The following MTMR2 variants were observed in gnomAD, a reference collection of about 807,000 sequenced individuals.
MTMR2 encodes the protein phosphatidylinositol-3,5-bisphosphate 3-phosphatase MTMR2.
Under a neutral mutation model 86.9 loss-of-function variants are expected in MTMR2, and 55 were observed. The ratio of observed to expected loss-of-function variants is 0.63; its 90% CI spans 0.51 to 0.79. MTMR2 has a LOEUF of 0.79. Among genes scored for constraint, MTMR2 ranks in the 30% least tolerant of loss-of-function variants. MTMR2 has a pLI of 0.00. For synonymous variants in MTMR2, 241 were observed against 266.8 expected (o/e 0.90, Z 0.94); for missense variants, 659 against 772.3 (o/e 0.85, Z 1.74).
At chr11:95,878,192 A>G (rs1485219472) in intron 2 of MTMR2, among the ~76,000 whole-genome samples, 2 of 146,790 alleles carry the variant, frequency 1.4e-5, no homozygotes, top group African/African-American at 5.1e-5. Flanking sequence ...GCCACTCTGA[A>G]AAGACCGCAC....
At position 95,887,124 on chromosome 11, in the gene MTMR2, T is replaced by C. The variant is rs538649127; in HGVS notation, c.186+1032A>G. ...AGAAGATTTTACAGATGTTGTCTTC[T>C]TGTTGAATTCTGTTTTGACAATGAA... On this transcript the variant is annotated intron_variant, in intron 2 of 14. Coordinates refer to ENST00000346299, the MANE Select transcript of MTMR2 (RefSeq NM_016156.6). 5.8e-4 allele frequency among the ~76,000 whole-genome samples: 88 copies of C among 152,328 alleles called. 1 individual carries two copies. Among genetic ancestry groups the C allele is most frequent in the Middle Eastern group, 6.8e-3 (2 of 294 alleles).
rs1174482625 is a variant in MTMR2, at chr11:95,835,295, C to G, written c.1927G>C (p.Val643Leu). 5 of 1,612,766 alleles carry G rather than the reference C, an allele frequency of 3.1e-6. No individual in the cohort carries two copies. The Admixed American group carries it at 8.4e-5, about 27-fold the overall frequency. The change falls in exon 15 of 15, where the codon GTA becomes CTA. Residue 643 changes from valine (V) to leucine (L), a missense_variant. Physicochemically the swap from Val to Leu is conservative, Grantham distance 32. This residue lies in a region of MTMR2 where 193 missense variants were observed against 191.6 expected (regional missense o/e 1.01). Transcript: ENST00000346299. ...GCCCCTGATCTTACAGTCCTTTATA[C>G]AACAGTTTGGACAGGAGTGACACAC... The part of the protein sequence containing the change: ...AQCVTPVQTV[V>L]
intron 9 of MTMR2, 106 bp downstream of exon 9, chr11:95,849,568 A>G (rs1440110334): frequency 1.3e-5 from 13 of 1,012,380 alleles, no homozygotes; most frequent in East Asian, 9.5e-5. Context: ...ACAAGAACCT[A>G]TATGTTTACC....
intron 2 of MTMR2, among the ~76,000 whole-genome samples, chr11:95,871,425 G>A (rs576470244): frequency 2.0e-5 from 3 of 152,148 alleles, no homozygotes; most frequent in South Asian, 2.1e-4. Context: ...TTTAATGATC[G>A]CCATTCTAAC....
At chr11:95,865,799 T>C (rs1864593684) in intron 2 of MTMR2, 123 bp from the exon 3 acceptor site, 2 of 798,394 alleles carry the variant, frequency 2.5e-6, no homozygotes, top group Non-Finnish European at 4.2e-6. Flanking sequence ...CTATTTTAAA[T>C]CAAATTTGTT....
chr11:95,875,494 C>A (rs971808671), intron 2 of MTMR2, among the ~76,000 whole-genome samples: 1 of 152,016 alleles, frequency 6.6e-6, no homozygotes, highest in Non-Finnish European at 1.5e-5. Flanking sequence ...GTTAGCCATT[C>A]GTCTAATTTT....
At chr11:95,868,394 G>C (rs556504585) in intron 2 of MTMR2, among the ~76,000 whole-genome samples, 1 of 151,066 alleles carries the variant, frequency 6.6e-6, no homozygotes, top group Non-Finnish European at 1.5e-5. Context: ...GAATGAGAAT[G>C]ACTGCAAGGA....
chr11:95,837,223 G>A (rs1311339642), intron 13 of MTMR2, among the ~76,000 whole-genome samples: 1 of 151,934 alleles, frequency 6.6e-6, no homozygotes, highest in Non-Finnish European at 1.5e-5. Flanking sequence ...ATACTACATA[G>A]CAGTTCTTGT....
intron 2 of MTMR2, among the ~76,000 whole-genome samples, chr11:95,873,278 T>A (rs1864966006): frequency 6.6e-6 from 1 of 152,240 alleles, no homozygotes; most frequent in Admixed American, 6.5e-5. Flanking sequence ...ATTGCCTCAA[T>A]TTCAGAGCCT....
At chr11:95,919,482 G>C (rs1866832538) in intron 1 of MTMR2, among the ~76,000 whole-genome samples, 1 of 151,976 alleles carries the variant, frequency 6.6e-6, no homozygotes, top group South Asian at 2.1e-4. Flanking sequence ...AACAAGTATG[G>C]TACCCAGAAT....
At chr11:95,845,193 A>C in intron 10 of MTMR2, 34 bp from the exon 11 acceptor site, 1 of 1,548,768 alleles carries the variant, frequency 6.5e-7, no homozygotes, top group Non-Finnish European at 8.9e-7. Flanking sequence ...ATTGTTTTTA[A>C]ACAAGGTAAA....
intron 13 of MTMR2, among the ~76,000 whole-genome samples, chr11:95,837,849 T>C (rs113829287): frequency 3.7e-4 from 57 of 152,180 alleles, no homozygotes; most frequent in African/African-American, 1.3e-3. Context: ...CAGTTCTCTT[T>C]AGCAGAAACC....
chr11:95,852,978 C>T (rs1201254554), intron 7 of MTMR2, among the ~76,000 whole-genome samples: 3 of 151,380 alleles, frequency 2.0e-5, no homozygotes, highest in Non-Finnish European at 4.4e-5. Flanking sequence ...AAGGTTGCAG[C>T]GAGCTAAGAT....
chr11:95,906,878 G>C (rs888872813), intron 1 of MTMR2, among the ~76,000 whole-genome samples: 30 of 152,102 alleles, frequency 2.0e-4, no homozygotes, highest in African/African-American at 7.2e-4. Context: ...CGCTAAAGCA[G>C]TGTTAAGAGT....
chr11:95,914,102 A>T, intron 1 of MTMR2: 1 of 752,944 alleles, frequency 1.3e-6, no homozygotes, highest in Non-Finnish European at 1.6e-6. Context: ...AAGGACAGGG[A>T]CTTGGAAATG....
intron 12 of MTMR2, among the ~76,000 whole-genome samples, chr11:95,839,764 T>C (rs767348907): frequency 2.0e-5 from 3 of 152,166 alleles, no homozygotes; most frequent in Non-Finnish European, 2.9e-5. Flanking sequence ...GTACTAGTAT[T>C]CAAGTATTTA....
chr11:95,879,597 T>C (rs948598590), intron 2 of MTMR2, among the ~76,000 whole-genome samples: 1 of 152,198 alleles, frequency 6.6e-6, no homozygotes, highest in Non-Finnish European at 1.5e-5. Context: ...CACCTGTTTA[T>C]GTACCCACAG....
At chr11:95,893,024 C>A (rs558313020) in intron 1 of MTMR2, among the ~76,000 whole-genome samples, 7 of 152,168 alleles carry the variant, frequency 4.6e-5, no homozygotes, top group Non-Finnish European at 7.4e-5. Context: ...TAAAAACCTT[C>A]TTCCTCTAAG....
At chr11:95,921,058 T>C (rs1866902427) in intron 1 of MTMR2, among the ~76,000 whole-genome samples, 1 of 152,164 alleles carries the variant, frequency 6.6e-6, no homozygotes, top group Non-Finnish European at 1.5e-5. Context: ...CTTAAAGAAA[T>C]TAGAGATGAG....
Sources: gnomAD v4.1 joint callset for allele counts (sites outside exome capture counted in the v4.1 genomes callset) on GRCh38, gnomAD v4.1.1 for gene constraint, gnomAD v4.1.1 regional missense constraint, MANE v1.5 for transcripts, NCBI Gene and HGNC (gene_info 2026-07-23, HGNC 2026-07-21) for gene names.